The following DOCK10 variants were observed in gnomAD, a reference collection of about 807,000 sequenced individuals.
DOCK10 encodes dedicator of cytokinesis 10, also known as dedicator of cytokinesis protein 10.
Under a neutral mutation model 280.1 loss-of-function variants are expected in DOCK10, and 145 were observed. The ratio of observed to expected loss-of-function variants is 0.52; its 90% CI spans 0.45 to 0.59. The LOEUF (loss-of-function observed/expected upper bound fraction) is 0.59, where lower values mean the gene tolerates loss of function less well. Among genes scored for constraint, DOCK10 ranks in the 20% least tolerant of loss-of-function variants. DOCK10 has a pLI of 0.00. For missense variants in DOCK10, 2,368 were observed against 2,651.7 expected, an observed-to-expected ratio of 0.89 and a Z score of 2.35; for synonymous variants, 915 against 942.2, an observed-to-expected ratio of 0.97 and a Z score of 0.53.
chr2:224,805,017 T>C lies in DOCK10; in HGVS notation c.4118+41A>G, dbSNP rs146285020. ...CATGGTATAGTGGACTATTTAGAAA[T>C]TTCCAGAAAAAAGTGTTAAGTCATC... On this transcript the variant is annotated intron_variant, in intron 37 of 55. Coordinates refer to ENST00000258390, the MANE Select transcript of DOCK10 (RefSeq NM_014689.3). The surrounding 1 kb of genome is among the most constrained non-coding windows in gnomAD (Gnocchi z 4.3). 1,245 of 1,536,474 alleles carry C rather than the reference T, an allele frequency of 8.1e-4. 14 individuals are homozygous for C. In the East Asian group the frequency reaches 0.025, roughly 31 times the overall value.
At chr2:224,925,719 C>T (rs1298298532) in intron 2 of DOCK10, among the ~76,000 whole-genome samples, 1 of 152,200 alleles carries the variant, frequency 6.6e-6, no homozygotes, top group African/African-American at 2.4e-5. Context: ...GTCTTACCAG[C>T]TTTCAGACAT....
intron 40 of DOCK10, among the ~76,000 whole-genome samples, chr2:224,800,489 G>T (rs1692909092): frequency 6.6e-6 from 1 of 152,084 alleles, no homozygotes; most frequent in Non-Finnish European, 1.5e-5. Context: ...GGTTTCCATT[G>T]TTTCTGAGTT....
At chr2:224,908,412 CG>C (rs1700800488) in intron 3 of DOCK10, among the ~76,000 whole-genome samples, 3 of 79,208 alleles carry the variant, frequency 3.8e-5, no homozygotes, top group Non-Finnish European at 6.7e-5. Context: ...TAATCATCAT[CG>C]TTTGTGTGTG....
intron 14 of DOCK10, chr2:224,862,340 A>G (rs1330073415): frequency 2.1e-5 from 4 of 190,874 alleles, no homozygotes; most frequent in African/African-American, 9.3e-5. Context: ...CAGGACTGAC[A>G]TAATGTCAAA....
chr2:224,893,142 C>T (rs769412375), intron 4 of DOCK10, among the ~76,000 whole-genome samples: 12 of 152,122 alleles, frequency 7.9e-5, no homozygotes, highest in Non-Finnish European at 1.8e-4. Context: ...TGCCTGAGTG[C>T]CCCATCAGTT....
chr2:224,919,808 A>T (rs759170151), intron 2 of DOCK10, among the ~76,000 whole-genome samples: 13 of 152,094 alleles, frequency 8.5e-5, no homozygotes, highest in Admixed American at 1.3e-4. Flanking sequence ...AGGATGAAAA[A>T]TAATGAGAAA....
chr2:224,844,650 C>G (rs560341057), intron 22 of DOCK10, 103 bp downstream of exon 22: 1 of 776,320 alleles, frequency 1.3e-6, no homozygotes, highest in East Asian at 2.7e-5. Flanking sequence ...ACCTGCCTTT[C>G]TGACACTTCA....
intron 1 of DOCK10, among the ~76,000 whole-genome samples, chr2:224,965,594 G>A (rs527386461): frequency 6.6e-5 from 10 of 152,134 alleles, no homozygotes; most frequent in Non-Finnish European, 1.2e-4. Flanking sequence ...CAGGCCAAAT[G>A]CCTTATTGTT....
At chr2:224,988,544 T>C (rs1706034922) in intron 1 of DOCK10, among the ~76,000 whole-genome samples, 1 of 152,182 alleles carries the variant, frequency 6.6e-6, no homozygotes, top group Non-Finnish European at 1.5e-5. Flanking sequence ...CACAGAGAAA[T>C]TAAGTGATTC....
chr2:225,016,832 A>G (rs1228315821), intron 1 of DOCK10, among the ~76,000 whole-genome samples: 1 of 151,534 alleles, frequency 6.6e-6, no homozygotes, highest in African/African-American at 2.4e-5. Context: ...CCTCCCGAGT[A>G]GCTGTGACTA....
chr2:224,928,937 C>G (rs867635132), intron 2 of DOCK10, among the ~76,000 whole-genome samples: 5 of 152,226 alleles, frequency 3.3e-5, no homozygotes, highest in African/African-American at 9.7e-5. Context: ...AACGCCTTAT[C>G]CTGTCCAGCC....
At chr2:224,853,357 G>A (rs1208977178) in intron 16 of DOCK10, among the ~76,000 whole-genome samples, 2 of 151,990 alleles carry the variant, frequency 1.3e-5, no homozygotes, top group African/African-American at 2.4e-5. Context: ...TCTTTTAGAC[G>A]GATTTATAAC....
intron 29 of DOCK10, among the ~76,000 whole-genome samples, chr2:224,817,912 T>C (rs572541626): frequency 2.7e-4 from 41 of 152,324 alleles, no homozygotes; most frequent in African/African-American, 9.1e-4. Context: ...TCTTTTCAAA[T>C]ACCTAGATAA....
At chr2:225,018,154 T>C (rs1176806832) in intron 1 of DOCK10, among the ~76,000 whole-genome samples, 1 of 152,138 alleles carries the variant, frequency 6.6e-6, no homozygotes, top group East Asian at 1.9e-4. Context: ...TATAGTACAG[T>C]ACATCAAGAA....
intron 29 of DOCK10, among the ~76,000 whole-genome samples, chr2:224,818,580 A>C (rs892553019): frequency 6.6e-6 from 1 of 151,916 alleles, no homozygotes; most frequent in Non-Finnish European, 1.5e-5. Context: ...TTGTATTTTT[A>C]GTAGAGACAG....
intron 1 of DOCK10, among the ~76,000 whole-genome samples, chr2:224,995,166 A>G (rs1375968335): frequency 6.6e-6 from 1 of 152,216 alleles, no homozygotes; most frequent in Non-Finnish European, 1.5e-5. Flanking sequence ...GATAAGGAGG[A>G]AGCCACACTG....
At chr2:225,013,610 C>T (rs748250211) in intron 1 of DOCK10, among the ~76,000 whole-genome samples, 6 of 152,148 alleles carry the variant, frequency 3.9e-5, no homozygotes, top group Non-Finnish European at 8.8e-5. Context: ...CCTAGATTCT[C>T]GCATTCCCTA....
intron 4 of DOCK10, among the ~76,000 whole-genome samples, chr2:224,894,012 A>G (rs1699849316): frequency 6.6e-6 from 1 of 152,180 alleles, no homozygotes; most frequent in African/African-American, 2.4e-5. Context: ...GGTATATCTG[A>G]AAGGGTTATA....
chr2:224,780,146 A>G (rs568506598), intron 50 of DOCK10, among the ~76,000 whole-genome samples: 2 of 152,352 alleles, frequency 1.3e-5, no homozygotes, highest in Non-Finnish European at 2.9e-5. Flanking sequence ...ACAAAATGCA[A>G]GTAATTATAA....
Sources: gnomAD v4.1 joint callset for allele counts (sites outside exome capture counted in the v4.1 genomes callset) on GRCh38, gnomAD v4.1.1 for gene constraint, Gnocchi (gnomAD v3.1) non-coding constraint, MANE v1.5 for transcripts, NCBI Gene and HGNC (gene_info 2026-07-23, HGNC 2026-07-21) for gene names.